EEA1: variants seen among roughly 807,000 people sequenced by gnomAD.
EEA1 encodes the protein early endosome antigen 1, 162kD.
In EEA1, 111 loss-of-function variants were observed where a neutral mutation model predicts 209.2. The observed-to-expected ratio is 0.53, with a 90% CI of 0.45 to 0.62. The LOEUF (loss-of-function observed/expected upper bound fraction) is 0.62. Among genes scored for constraint, EEA1 ranks in the 20% least tolerant of loss-of-function variants. EEA1 has a pLI of 0.00. For synonymous variants in EEA1, 536 were observed against 540.6 expected (o/e 0.99, Z 0.12); for missense variants, 1,343 against 1,530.8 (o/e 0.88, Z 2.05).
At chr12:92,821,823 GTATA>G (rs1876064505) in intron 13 of EEA1, among the ~76,000 whole-genome samples, 2 of 149,208 alleles carry the variant, frequency 1.3e-5, no homozygotes, top group Non-Finnish European at 1.5e-5. Context: ...AATTATATAT[GTATA>G]TATAATTACA....
rs1451805554 is a variant in EEA1 at position 92,929,145 on chromosome 12, C to A, written c.-79G>T. On this transcript the variant is annotated 5_prime_UTR_variant, in exon 1 of 29. Coordinates refer to ENST00000322349, the MANE Select transcript of EEA1 (RefSeq NM_003566.4). ...CCACTCACTACTCGGGGTGCGCGGGCGGGAGGGACTGGGCCGGGAGGGGAC... is the reference window on the plus strand; with the variant it reads ...CCACTCACTACTCGGGGTGCGCGGGAGGGAGGGACTGGGCCGGGAGGGGAC... 2.1e-6 allele frequency: 2 copies of A among 950,912 alleles called. No homozygotes were observed. The allele number at this position is 950,912 out of a possible 1,614,324, so 58.9% of individuals were successfully genotyped here.
chr12:92,805,317 T>A (rs1400627847), intron 18 of EEA1, among the ~76,000 whole-genome samples: 2 of 152,020 alleles, frequency 1.3e-5, no homozygotes, highest in Non-Finnish European at 1.5e-5. Flanking sequence ...CAGGACCCAA[T>A]TTACTAGATA....
intron 1 of EEA1, among the ~76,000 whole-genome samples, chr12:92,904,352 A>G (rs1880279984): frequency 6.6e-6 from 1 of 152,242 alleles, no homozygotes; most frequent in Non-Finnish European, 1.5e-5. Context: ...ATGTTTAAGT[A>G]GCTACAACCA....
Position 92,929,152 on chromosome 12 carries a change from G to T in EEA1, c.-86C>A. ...CTACTCGGGGTGCGCGGGCGGGAGG[G>T]ACTGGGCCGGGAGGGGACCGGGAAG... On this transcript the variant is annotated 5_prime_UTR_variant, in exon 1 of 29. Coordinates refer to ENST00000322349, the MANE Select transcript of EEA1 (RefSeq NM_003566.4). 7 of 1,315,854 alleles carry T rather than the reference G, an allele frequency of 5.3e-6. No homozygotes were observed. Among genetic ancestry groups the T allele is most frequent in the South Asian group, 1.3e-5 (1 of 76,774 alleles). 81.5% of individuals were successfully genotyped at this position (1,315,854 alleles called of 1,614,324 possible).
chr12:92,777,817 C>T (rs1000643286), intron 26 of EEA1, 124 bp downstream of exon 26: 5 of 1,228,122 alleles, frequency 4.1e-6, no homozygotes, highest in Middle Eastern at 2.0e-4. Context: ...TAAATGGCTA[C>T]TTAAATACCT....
intron 11 of EEA1, among the ~76,000 whole-genome samples, chr12:92,829,260 T>A (rs1876488070): frequency 6.6e-6 from 1 of 151,478 alleles, no homozygotes; most frequent in Non-Finnish European, 1.5e-5. Context: ...TGAGCTGAAA[T>A]CTCGCCACTG....
intron 1 of EEA1, among the ~76,000 whole-genome samples, chr12:92,909,690 G>A (rs1157999431): frequency 1.3e-5 from 2 of 152,212 alleles, no homozygotes; most frequent in African/African-American, 4.8e-5. Flanking sequence ...TTGTGAACAT[G>A]GATCAGTTAT....
Position 92,842,347 on chromosome 12 carries a change from C to G in EEA1, c.915+118G>C. Reference sequence around the variant, plus strand: ...CACAATAATGTGAACATATTAAACACTAAAAAAAAAAAATAAGTCACATTG... The same window carrying G: ...CACAATAATGTGAACATATTAAACAGTAAAAAAAAAAAATAAGTCACATTG... On this transcript the variant is annotated intron_variant, in intron 10 of 28. Coordinates refer to ENST00000322349, the MANE Select transcript of EEA1 (RefSeq NM_003566.4). The G allele has an allele frequency of 5.8e-5, 32 of 556,236 alleles. No individual in the cohort carries two copies. The South Asian group carries it at 7.9e-4, about 14-fold the overall frequency. 34.5% of individuals were successfully genotyped at this position (556,236 alleles called of 1,614,324 possible).
intron 21 of EEA1, among the ~76,000 whole-genome samples, chr12:92,793,775 A>G (rs1449148143): frequency 6.6e-6 from 1 of 152,164 alleles, no homozygotes; most frequent in Non-Finnish European, 1.5e-5. Flanking sequence ...GAATCGGAAA[A>G]AACTACTTTA....
chr12:92,841,635 A>G (rs760587943), intron 10 of EEA1, among the ~76,000 whole-genome samples: 14 of 152,168 alleles, frequency 9.2e-5, no homozygotes, highest in Non-Finnish European at 1.8e-4. Flanking sequence ...ATGTTCAACA[A>G]CGTAGTCATT....
At chr12:92,862,517 G>C (rs1217067781) in intron 3 of EEA1, among the ~76,000 whole-genome samples, 6 of 151,952 alleles carry the variant, frequency 3.9e-5, no homozygotes, top group Non-Finnish European at 4.4e-5. Context: ...GATTACTTGA[G>C]ACCAGGAGTT....
intron 10 of EEA1, among the ~76,000 whole-genome samples, chr12:92,837,666 T>C (rs753962108): frequency 2.0e-5 from 3 of 152,236 alleles, no homozygotes; most frequent in Non-Finnish European, 4.4e-5. Context: ...AGAAAGTTTC[T>C]TCAATTTTTC....
At chr12:92,839,789 AT>A (rs1263842877) in intron 10 of EEA1, among the ~76,000 whole-genome samples, 3 of 152,216 alleles carry the variant, frequency 2.0e-5, no homozygotes, top group African/African-American at 7.2e-5. Flanking sequence ...GTCCTTAATC[AT>A]TTTGAGAATG....
At chr12:92,784,717 T>C (rs1433484549) in intron 22 of EEA1, among the ~76,000 whole-genome samples, 1 of 152,218 alleles carries the variant, frequency 6.6e-6, no homozygotes, top group African/African-American at 2.4e-5. Flanking sequence ...TAGATGAACA[T>C]TTATACTGCC....
intron 17 of EEA1, among the ~76,000 whole-genome samples, chr12:92,810,503 T>G (rs753656693): frequency 2.0e-5 from 3 of 152,218 alleles, no homozygotes; most frequent in Non-Finnish European, 4.4e-5. Context: ...AATGTAATTA[T>G]TCCCCCATAC....
At chr12:92,846,311 G>C (rs1462488797) in intron 9 of EEA1, among the ~76,000 whole-genome samples, 1 of 152,110 alleles carries the variant, frequency 6.6e-6, no homozygotes, top group African/African-American at 2.4e-5. Context: ...ATAACAAAAT[G>C]GTGGATGAAA....
Position 92,801,591 on chromosome 12 carries a change from AAAT to A in EEA1, c.2772+6_2772+8del. The A allele has an allele frequency of 1.3e-6, 2 of 1,562,972 alleles. No individual in the cohort carries two copies. Among genetic ancestry groups the A allele is most frequent in the Non-Finnish European group, 1.7e-6 (2 of 1,157,666 alleles). On this transcript the variant is annotated splice_donor_region_variant and intron_variant, in intron 20 of 28. Transcript: ENST00000322349. ...TTACAGATTTTATGTTACAAAAAAA[AAAT>A]CTTACCTCCTTCTCTTTTTCAAGTG... is the stretch of plus-strand genomic sequence containing the variant.
chr12:92,883,344 A>AT (rs1879240155), intron 2 of EEA1, among the ~76,000 whole-genome samples: 1 of 152,030 alleles, frequency 6.6e-6, no homozygotes, highest in South Asian at 2.1e-4. Flanking sequence ...GTTTGCAAAT[A>AT]TTTTCTCCCA....
intron 9 of EEA1, among the ~76,000 whole-genome samples, chr12:92,846,017 A>T (rs960859282): frequency 6.6e-6 from 1 of 152,214 alleles, no homozygotes; most frequent in Non-Finnish European, 1.5e-5. Flanking sequence ...TTACAAAATA[A>T]GGAAAGATAT....
Sources: gnomAD v4.1 joint callset for allele counts (sites outside exome capture counted in the v4.1 genomes callset) on GRCh38, gnomAD v4.1.1 for gene constraint, MANE v1.5 for transcripts, NCBI Gene and HGNC (gene_info 2026-07-23, HGNC 2026-07-21) for gene names.